RIN2: variants seen among roughly 807,000 people sequenced by gnomAD.
The protein encoded by RIN2 is Ras and Rab interactor 2.
Under a neutral mutation model 78.0 loss-of-function variants are expected in RIN2, and 36 were observed. That is an observed-to-expected ratio of 0.46 (90% CI 0.35 to 0.61). RIN2 has a LOEUF of 0.61. RIN2 is among the 20% of genes least tolerant of loss of function. The pLI is 0.00. For missense variants in RIN2, 1,087 were observed against 1,159.7 expected (o/e 0.94, Z 0.91); for synonymous variants, 466 against 466.8 (o/e 1.00, Z 0.02).
intron 7 of RIN2, among the ~76,000 whole-genome samples, chr20:19,969,169 C>T (rs1015204857): frequency 6.6e-6 from 1 of 152,222 alleles, no homozygotes; most frequent in Admixed American, 6.5e-5. Flanking sequence ...ATTCTCCAGT[C>T]ATCCAGATTT....
chr20:19,918,429 G>A (rs1461030410), intron 3 of RIN2, among the ~76,000 whole-genome samples: 2 of 151,626 alleles, frequency 1.3e-5, no homozygotes, highest in African/African-American at 2.4e-5. Context: ...GAGATCAACA[G>A]GACATTAAAG....
At chr20:19,782,926 G>A (rs1334611069) in intron 1 of RIN2, among the ~76,000 whole-genome samples, 1 of 152,194 alleles carries the variant, frequency 6.6e-6, no homozygotes, top group Non-Finnish European at 1.5e-5. Flanking sequence ...GCTCAGGCCT[G>A]CAACAGGAGG....
chr20:19,867,383 A>G (rs1543472), intron 2 of RIN2, among the ~76,000 whole-genome samples: 127,089 of 152,194 alleles, frequency 0.84, 53,196 homozygotes, highest in East Asian at 0.96. Flanking sequence ...TCTGTTGCCC[A>G]TATTTCAGTT....
At chr20:19,904,169 T>C (rs2039110752) in intron 3 of RIN2, among the ~76,000 whole-genome samples, 1 of 151,160 alleles carries the variant, frequency 6.6e-6, no homozygotes, top group Admixed American at 6.6e-5. Flanking sequence ...CAGGTAGAGG[T>C]TGCAGTGAGC....
chr20:19,849,169 T>TA (rs569127944), intron 2 of RIN2, among the ~76,000 whole-genome samples: 101 of 146,558 alleles, frequency 6.9e-4, no homozygotes, highest in Non-Finnish European at 6.9e-4. Context: ...TTTTGCAAAT[T>TA]AAAAAAAAAA....
chr20:19,900,820 C>T lies in RIN2; in HGVS notation c.57+11162C>T, dbSNP rs573765038. 7.9e-4 allele frequency among the ~76,000 whole-genome samples: 119 copies of T among 151,500 alleles called. 1 individual carries two copies. The Middle Eastern group carries it at 0.017, about 22-fold the overall frequency. On this transcript the variant is annotated intron_variant, in intron 3 of 12. Coordinates refer to ENST00000255006, the MANE Select transcript of RIN2 (RefSeq NM_018993.4). ...GCAAAATGAGCCAGGCGTGGTGGCG[C>T]ATGCCTGTAATCCCAGCTACTTGGG...
chr20:19,961,972 G>A (rs2041767113), intron 6 of RIN2, among the ~76,000 whole-genome samples: 1 of 152,122 alleles, frequency 6.6e-6, no homozygotes, highest in Non-Finnish European at 1.5e-5. Flanking sequence ...TTTATATTAA[G>A]TGAATCAATT....
At chr20:19,858,101 C>T (rs2037220029) in intron 2 of RIN2, among the ~76,000 whole-genome samples, 1 of 149,672 alleles carries the variant, frequency 6.7e-6, no homozygotes, top group African/African-American at 2.5e-5. Flanking sequence ...TCCAACTCAT[C>T]CCTTTTTATG....
intron 7 of RIN2, among the ~76,000 whole-genome samples, chr20:19,966,930 T>C (rs376449033): frequency 3.7e-5 from 5 of 135,194 alleles, no homozygotes; most frequent in East Asian, 2.8e-4. Context: ...CACACACACA[T>C]ATATACACAC....
rs1163956426 is a variant in RIN2, at chr20:19,956,721, C to G, written c.265C>G (p.Arg89Gly). 2 of 1,610,654 alleles carry G rather than the reference C, an allele frequency of 1.2e-6. No individual in the cohort carries two copies. The highest frequency in any genetic ancestry group is 1.7e-5 in the Admixed American group (1 of 59,640). Residue 89 changes from arginine (R) to glycine (G), a missense_variant, in exon 5 of 13, where the codon CGG becomes GGG. Physicochemically the swap from Arg to Gly is moderately radical, Grantham distance 125. This residue lies in a region of RIN2 where 706 missense variants were observed against 667.5 expected (regional missense o/e 1.06). Coordinates refer to ENST00000255006, the MANE Select transcript of RIN2 (RefSeq NM_018993.4). ...CTCCAACAGGCTCAGCATCTTGGACCGGCTCCTCCACACCCACCCCATATG... is the reference window on the plus strand; with the variant it reads ...CTCCAACAGGCTCAGCATCTTGGACGGGCTCCTCCACACCCACCCCATATG... ...SLSNRLSILDRLLHTHPIWLQ... is the reference protein window; with the variant it reads ...SLSNRLSILDGLLHTHPIWLQ...
chr20:19,999,564 C>T (rs1307953518), intron 12 of RIN2, among the ~76,000 whole-genome samples: 1 of 152,200 alleles, frequency 6.6e-6, no homozygotes, highest in Non-Finnish European at 1.5e-5. Flanking sequence ...CTAGCTGAAA[C>T]TCAAATTTAA....
At chr20:19,800,488 TA>T (rs996832481) in intron 2 of RIN2, among the ~76,000 whole-genome samples, 1 of 152,216 alleles carries the variant, frequency 6.6e-6, no homozygotes, top group Admixed American at 6.5e-5. Context: ...AAGTCTTGAT[TA>T]GCAAAGGTGA....
chr20:19,917,565 A>G lies in RIN2; in HGVS notation c.58-17534A>G, dbSNP rs1313475237. Among the ~76,000 whole-genome samples, 20 of 152,204 alleles carry G rather than the reference A, an allele frequency of 1.3e-4. 1 individual carries two copies. Among genetic ancestry groups the G allele is most frequent in the Admixed American group, 1.3e-3 (20 of 15,280 alleles). ...GAAGCCAGTGAGCATCTTGACACTA[A>G]TGCATTCAGATTTTTGTTCTGTCTG... On this transcript the variant is annotated intron_variant, in intron 3 of 12. Coordinates refer to ENST00000255006, the MANE Select transcript of RIN2 (RefSeq NM_018993.4).
rs899311885 is a variant in RIN2 at position 19,873,726 on chromosome 20, C to A, written c.-36-15840C>A. Reference sequence around the variant, plus strand: ...CACAGGGCACTAATCAAGTGCATCTCCATAGAACCGAATTTGCATCTCTGT... The same window carrying A: ...CACAGGGCACTAATCAAGTGCATCTACATAGAACCGAATTTGCATCTCTGT... On this transcript the variant is annotated intron_variant, in intron 2 of 12. Transcript: ENST00000255006. 2.2e-4 allele frequency among the ~76,000 whole-genome samples: 34 copies of A among 152,130 alleles called. 1 individual carries two copies. The highest frequency in any genetic ancestry group is 4.6e-4 in the Admixed American group (7 of 15,278).
chr20:19,855,328 T>A (rs1163739977), intron 2 of RIN2, among the ~76,000 whole-genome samples: 1 of 152,184 alleles, frequency 6.6e-6, no homozygotes, highest in Non-Finnish European at 1.5e-5. Flanking sequence ...TCAGGGATAT[T>A]TGTCTAAAAT....
chr20:19,831,431 A>G (rs991021668), intron 2 of RIN2, among the ~76,000 whole-genome samples: 3 of 152,188 alleles, frequency 2.0e-5, no homozygotes, highest in African/African-American at 7.2e-5. Flanking sequence ...AAATATGGAT[A>G]AAACAAATAT....
At chr20:20,000,572 T>A in intron 12 of RIN2, 41 bp from the exon 13 acceptor site, 1 of 1,505,798 alleles carries the variant, frequency 6.6e-7, no homozygotes, top group Non-Finnish European at 9.1e-7. Flanking sequence ...ACTATCTAGT[T>A]TTCTCTTCTG....
chr20:19,794,636 A>G (rs1240079191), intron 1 of RIN2, among the ~76,000 whole-genome samples: 3 of 152,186 alleles, frequency 2.0e-5, no homozygotes, highest in Non-Finnish European at 2.9e-5. Context: ...TGGAAAAATA[A>G]GCAACTACTT....
chr20:19,901,118 A>G (rs980206217), intron 3 of RIN2, among the ~76,000 whole-genome samples: 1 of 152,000 alleles, frequency 6.6e-6, no homozygotes, highest in Non-Finnish European at 1.5e-5. Flanking sequence ...GAACGGCACT[A>G]TACAAAAAGC....
Sources: gnomAD v4.1 joint callset for allele counts (sites outside exome capture counted in the v4.1 genomes callset) on GRCh38, gnomAD v4.1.1 for gene constraint, gnomAD v4.1.1 regional missense constraint, MANE v1.5 for transcripts, NCBI Gene and HGNC (gene_info 2026-07-23, HGNC 2026-07-21) for gene names.